DENND1A: variants seen among roughly 807,000 people sequenced by gnomAD.
The protein encoded by DENND1A is DENN domain containing 1A.
Under a neutral mutation model 113.7 loss-of-function variants are expected in DENND1A, and 51 were observed. The ratio of observed to expected loss-of-function variants is 0.45; its 90% CI spans 0.36 to 0.57. The LOEUF is 0.57. Ranked by LOEUF, DENND1A falls within the 20% of genes least tolerant of loss-of-function variation. The pLI is 0.00. For synonymous variants in DENND1A, 565 were observed against 570.8 expected (o/e 0.99, Z 0.14); for missense variants, 1,258 against 1,395.9 (o/e 0.90, Z 1.57).
intron 21 of DENND1A, among the ~76,000 whole-genome samples, chr9:123,402,142 A>C (rs1189013177): frequency 2.6e-5 from 4 of 152,218 alleles, no homozygotes. Context: ...TGTTCCCACC[A>C]GGCTATTGTG....
At chr9:123,644,378 C>CAA (rs10541486) in intron 9 of DENND1A, among the ~76,000 whole-genome samples, 2,988 of 83,714 alleles carry the variant, frequency 0.036, 118 homozygotes, top group East Asian at 0.045. Flanking sequence ...TTACAAGCTA[C>CAA]AAAAAAAAAA....
intron 5 of DENND1A, among the ~76,000 whole-genome samples, chr9:123,709,120 T>C (rs1200226813): frequency 6.6e-6 from 1 of 152,164 alleles, no homozygotes; most frequent in Non-Finnish European, 1.5e-5. Context: ...CTGTTCTATG[T>C]CTAAAAAGTG....
chr9:123,804,722 T>G (rs1410374617), intron 2 of DENND1A, among the ~76,000 whole-genome samples: 1 of 152,206 alleles, frequency 6.6e-6, no homozygotes, highest in Non-Finnish European at 1.5e-5. Context: ...CAGCCACTCC[T>G]GCCAACTAAA....
At chr9:123,447,700 C>A (rs1446370266) in intron 18 of DENND1A, among the ~76,000 whole-genome samples, 1 of 151,062 alleles carries the variant, frequency 6.6e-6, no homozygotes, top group African/African-American at 2.4e-5. Context: ...TGGCAGAAAC[C>A]AAACTTGAGA....
chr9:123,795,633 G>A (rs1434923885), intron 2 of DENND1A, among the ~76,000 whole-genome samples: 1 of 152,082 alleles, frequency 6.6e-6, no homozygotes, highest in Non-Finnish European at 1.5e-5. Context: ...AATGGTCTGG[G>A]AACATTTTAT....
intron 1 of DENND1A, among the ~76,000 whole-genome samples, chr9:123,925,247 T>G (rs1196183207): frequency 1.3e-5 from 2 of 152,176 alleles, no homozygotes; most frequent in Non-Finnish European, 2.9e-5. Context: ...CGTCCTCATA[T>G]GTACTGCTCC....
At chr9:123,466,356 G>T (rs1269780518) in intron 13 of DENND1A, among the ~76,000 whole-genome samples, 5 of 151,632 alleles carry the variant, frequency 3.3e-5, no homozygotes, top group African/African-American at 1.2e-4. Flanking sequence ...CAAGAGAGCA[G>T]CGATGTGATC....
chr9:123,879,383 A>C (rs1324053903), intron 1 of DENND1A, among the ~76,000 whole-genome samples: 1 of 152,088 alleles, frequency 6.6e-6, no homozygotes, highest in Non-Finnish European at 1.5e-5. Flanking sequence ...AAATGCAAAA[A>C]TCAGCCAGAC....
chr9:123,576,230 A>G (rs2058628178), intron 12 of DENND1A, among the ~76,000 whole-genome samples: 1 of 152,180 alleles, frequency 6.6e-6, no homozygotes, highest in South Asian at 2.1e-4. Flanking sequence ...GAATACTTCT[A>G]TTCTCCACCC....
intron 3 of DENND1A, among the ~76,000 whole-genome samples, chr9:123,781,247 C>A (rs1831266846): frequency 6.6e-6 from 1 of 152,090 alleles, no homozygotes; most frequent in Admixed American, 6.6e-5. Flanking sequence ...CCAGTTATGC[C>A]CACGATTTCT....
intron 1 of DENND1A, among the ~76,000 whole-genome samples, chr9:123,905,803 C>G (rs1174780667): frequency 6.6e-6 from 1 of 151,180 alleles, no homozygotes; most frequent in Non-Finnish European, 1.5e-5. Flanking sequence ...ATCAATGAGA[C>G]AGAAAGTCAA....
chr9:123,714,691 A>G (rs1396503999), intron 5 of DENND1A, among the ~76,000 whole-genome samples: 1 of 152,214 alleles, frequency 6.6e-6, no homozygotes, highest in African/African-American at 2.4e-5. Context: ...AAAACAGCAC[A>G]GTTTCACATA....
intron 5 of DENND1A, among the ~76,000 whole-genome samples, chr9:123,727,755 A>T (rs958552406): frequency 5.3e-5 from 8 of 152,214 alleles, no homozygotes; most frequent in Non-Finnish European, 1.0e-4. Flanking sequence ...AAATCTAACA[A>T]TACAGGTGTA....
intron 2 of DENND1A, among the ~76,000 whole-genome samples, chr9:123,850,646 G>C (rs1476111086): frequency 6.6e-6 from 1 of 152,140 alleles, no homozygotes; most frequent in African/African-American, 2.4e-5. Context: ...TGATAGCTCT[G>C]TGGCCTTGGA....
At chr9:123,627,460 C>A (rs1437904176) in intron 10 of DENND1A, among the ~76,000 whole-genome samples, 1 of 152,204 alleles carries the variant, frequency 6.6e-6, no homozygotes, top group Non-Finnish European at 1.5e-5. Context: ...AAGCTCACAA[C>A]AACAGGCACG....
intron 8 of DENND1A, among the ~76,000 whole-genome samples, chr9:123,664,358 A>G (rs1368973217): frequency 1.3e-5 from 2 of 152,040 alleles, no homozygotes; most frequent in Non-Finnish European, 2.9e-5. Context: ...TCTTTTCACA[A>G]TCTTTAAATT....
intron 13 of DENND1A, among the ~76,000 whole-genome samples, chr9:123,472,151 C>T (rs939302261): frequency 2.6e-5 from 4 of 152,230 alleles, no homozygotes; most frequent in African/African-American, 7.2e-5. Context: ...TTTTGAGATG[C>T]CCTTTGTGAG....
chr9:123,639,334 G>A (rs976956923), intron 9 of DENND1A, among the ~76,000 whole-genome samples: 2 of 151,490 alleles, frequency 1.3e-5, no homozygotes, highest in Non-Finnish European at 2.9e-5. Context: ...AGCTACTTGG[G>A]AGGCTGAGGC....
At chr9:123,614,781 T>C (rs1409597709) in intron 10 of DENND1A, among the ~76,000 whole-genome samples, 2 of 152,186 alleles carry the variant, frequency 1.3e-5, no homozygotes, top group East Asian at 3.8e-4. Context: ...CACATCACAG[T>C]GTCACCTTAC....
Sources: gnomAD v4.1 joint callset for allele counts (sites outside exome capture counted in the v4.1 genomes callset) on GRCh38, gnomAD v4.1.1 for gene constraint, MANE v1.5 for transcripts, NCBI Gene and HGNC (gene_info 2026-07-23, HGNC 2026-07-21) for gene names.